SPIDR: variants seen among roughly 807,000 people sequenced by gnomAD.
SPIDR encodes the protein DNA repair-scaffolding protein.
In SPIDR, 93 loss-of-function variants were observed where a neutral mutation model predicts 104.6. The ratio of observed to expected loss-of-function variants is 0.89; its 90% confidence interval spans 0.75 to 1.06. The LOEUF (loss-of-function observed/expected upper bound fraction) is 1.06, where lower values mean the gene tolerates loss of function less well. Among genes scored for constraint, SPIDR ranks in the 50% least tolerant of loss-of-function variants. The probability of loss-of-function intolerance (pLI) is 0.00; values close to 1 mark genes in which losing one functional copy is unlikely to be tolerated. For synonymous variants in SPIDR, 431 were observed against 416.9 expected (o/e 1.03, Z -0.41); for missense variants, 1,154 against 1,111.2 (o/e 1.04, Z -0.55).
chr8:47,491,009 T>A (rs1355748246), intron 8 of SPIDR, among the ~76,000 whole-genome samples: 1 of 151,890 alleles, frequency 6.6e-6, no homozygotes, highest in African/African-American at 2.4e-5. Flanking sequence ...AAATAAAATA[T>A]AATCACTGAA....
At chr8:47,551,235 T>C (rs952531730) in intron 8 of SPIDR, among the ~76,000 whole-genome samples, 2 of 152,176 alleles carry the variant, frequency 1.3e-5, no homozygotes, top group East Asian at 3.8e-4. Context: ...AATTCTCCTT[T>C]TTTGTTGTGT....
Position 47,713,405 on chromosome 8 carries a change from A to AG in SPIDR, c.2189-80dup, listed in dbSNP as rs1397243234. ...ACTGCACCTTCACCTGCATGACTCG[A>AG]GGGGTAGCAAAGGAGACTGCCATTA... On this transcript the variant is annotated intron_variant, in intron 15 of 19. Coordinates refer to ENST00000297423, the MANE Select transcript of SPIDR (RefSeq NM_001080394.4). The AG allele has an allele frequency of 1.1e-5, 17 of 1,584,480 alleles. No individual in the cohort carries two copies. The Admixed American group carries it at 1.2e-4, about 11-fold the overall frequency.
At chr8:47,416,350 A>G (rs1227281097) in intron 7 of SPIDR, among the ~76,000 whole-genome samples, 1 of 152,188 alleles carries the variant, frequency 6.6e-6, no homozygotes, top group African/African-American at 2.4e-5. Context: ...GTTGTTGTGT[A>G]TGTCAATAAC....
chr8:47,393,460 G>A (rs1420981741), intron 5 of SPIDR, among the ~76,000 whole-genome samples: 1 of 152,024 alleles, frequency 6.6e-6, no homozygotes, highest in African/African-American at 2.4e-5. Context: ...ATCTGAGGTT[G>A]TTGGCTCCTG....
chr8:47,313,399 A>G (rs1378330694), intron 5 of SPIDR, among the ~76,000 whole-genome samples: 1 of 152,200 alleles, frequency 6.6e-6, no homozygotes, highest in Non-Finnish European at 1.5e-5. Context: ...ACCACTGCTC[A>G]ATGAAATAAA....
chr8:47,330,204 T>C (rs1480046865), intron 5 of SPIDR, among the ~76,000 whole-genome samples: 2 of 152,144 alleles, frequency 1.3e-5, no homozygotes, highest in African/African-American at 4.8e-5. Context: ...AGGTGCTTTT[T>C]TTTTTTAAAG....
intron 8 of SPIDR, among the ~76,000 whole-genome samples, chr8:47,565,572 C>T (rs79364113): frequency 0.028 from 4,230 of 151,832 alleles, 207 homozygotes; most frequent in African/African-American, 0.095. Context: ...TGTAAAATAT[C>T]CCTAATTATC....
intron 8 of SPIDR, among the ~76,000 whole-genome samples, chr8:47,448,883 A>G (rs1411732998): frequency 1.3e-5 from 2 of 152,164 alleles, no homozygotes; most frequent in African/African-American, 4.8e-5. Flanking sequence ...GCAGGGGTAT[A>G]TGTAGTGCTT....
intron 5 of SPIDR, among the ~76,000 whole-genome samples, chr8:47,331,989 C>CT (rs1289524835): frequency 0.038 from 1,384 of 36,208 alleles, 14 homozygotes; most frequent in African/African-American, 0.057. Context: ...TTTTTTTTCT[C>CT]TTTTTTTTTT....
At chr8:47,493,277 T>C (rs2079018342) in intron 8 of SPIDR, among the ~76,000 whole-genome samples, 3 of 152,182 alleles carry the variant, frequency 2.0e-5, no homozygotes, top group East Asian at 1.9e-4. Flanking sequence ...GAAAAACTCA[T>C]ATATTCCATA....
intron 16 of SPIDR, among the ~76,000 whole-genome samples, chr8:47,714,658 C>G (rs2082319882): frequency 6.6e-6 from 1 of 152,166 alleles, no homozygotes; most frequent in African/African-American, 2.4e-5. Context: ...AGGGTGTATG[C>G]GTTCTTGCAA....
At chr8:47,285,719 C>T (rs1268206998) in intron 3 of SPIDR, among the ~76,000 whole-genome samples, 2 of 152,078 alleles carry the variant, frequency 1.3e-5, no homozygotes, top group African/African-American at 4.8e-5. Context: ...GGATTAAGGC[C>T]CACCCTAATG....
intron 18 of SPIDR, 49 bp from the exon 19 acceptor site, chr8:47,729,363 C>T: frequency 6.4e-7 from 1 of 1,556,788 alleles, no homozygotes; most frequent in South Asian, 1.2e-5. Flanking sequence ...AACTTGAGCA[C>T]TTACTGTGTT....
At position 47,596,956 on chromosome 8, in the gene SPIDR, C is replaced by A. The variant is rs148687881; in HGVS notation, c.1293+950C>A. ...CCATCTTCCACCTCCACATCTTGTC[C>A]CACTGGAATGTGTTGAGGGACAGTA... On this transcript the variant is annotated intron_variant, in intron 9 of 19. Coordinates refer to ENST00000297423, the MANE Select transcript of SPIDR (RefSeq NM_001080394.4). Among the ~76,000 whole-genome samples the A allele has an allele frequency of 7.3e-3, 1,105 of 152,176 alleles. 7 individuals carry two copies. The highest frequency in any genetic ancestry group is 0.011 in the Non-Finnish European group (743 of 68,018).
intron 6 of SPIDR, among the ~76,000 whole-genome samples, chr8:47,403,108 G>T (rs1238487505): frequency 6.6e-6 from 1 of 152,098 alleles, no homozygotes; most frequent in Non-Finnish European, 1.5e-5. Context: ...AAAACCACAT[G>T]AATATCTCAA....
At chr8:47,655,057 C>A (rs995710606) in intron 10 of SPIDR, among the ~76,000 whole-genome samples, 1 of 152,182 alleles carries the variant, frequency 6.6e-6, no homozygotes. Context: ...GACATAAACT[C>A]ATCCTTTTTT....
At chr8:47,587,761 C>T (rs2060424451) in intron 8 of SPIDR, among the ~76,000 whole-genome samples, 2 of 150,898 alleles carry the variant, frequency 1.3e-5, no homozygotes, top group African/African-American at 4.9e-5. Flanking sequence ...GACCCTATCT[C>T]TAAAACAAAA....
chr8:47,567,808 CAG>C (rs1370045010), intron 8 of SPIDR, among the ~76,000 whole-genome samples: 1 of 82,928 alleles, frequency 1.2e-5, no homozygotes, highest in African/African-American at 4.9e-5. Flanking sequence ...TTTTTTGAGA[CAG>C]AGTCTTGCTT....
At chr8:47,343,869 G>A (rs1417934437) in intron 5 of SPIDR, among the ~76,000 whole-genome samples, 1 of 151,952 alleles carries the variant, frequency 6.6e-6, no homozygotes, top group Admixed American at 6.6e-5. Context: ...ATTGTCCTTC[G>A]GGGGGGAAAA....
Sources: gnomAD v4.1 joint callset for allele counts (sites outside exome capture counted in the v4.1 genomes callset) on GRCh38, gnomAD v4.1.1 for gene constraint, MANE v1.5 for transcripts, NCBI Gene and HGNC (gene_info 2026-07-23, HGNC 2026-07-21) for gene names.